The following ARFGAP3 variants were observed in gnomAD, a reference collection of about 807,000 sequenced individuals.
ARFGAP3 encodes ADP-ribosylation factor GTPase-activating protein 3.
Under a neutral mutation model 75.0 loss-of-function variants are expected in ARFGAP3, and 72 were observed. That is an observed-to-expected ratio of 0.96 (90% CI 0.79 to 1.17). The LOEUF (loss-of-function observed/expected upper bound fraction) is 1.17, where lower values mean the gene tolerates loss of function less well. Ranked by LOEUF, ARFGAP3 falls within the 50% of genes most tolerant of loss-of-function variation. The pLI is 0.00. For synonymous variants in ARFGAP3, 221 were observed against 217.9 expected, an observed-to-expected ratio of 1.01 and a Z score of -0.13; for missense variants, 620 against 626.6, an observed-to-expected ratio of 0.99 and a Z score of 0.11.
At position 42,851,027 on chromosome 22, in the gene ARFGAP3, C is replaced by T. The variant is rs564457725; in HGVS notation, c.70-3395G>A. ...CTCTTCTGTGGGGCATCAAACAAAA[C>T]GACAGACTCTGCCAAAAGGTGCTGT... On this transcript the variant is annotated intron_variant, in intron 1 of 15. Transcript: ENST00000263245. Among the ~76,000 whole-genome samples the T allele has an allele frequency of 2.5e-4, 38 of 152,328 alleles. No individual in the cohort carries two copies. In the East Asian group the frequency reaches 6.6e-3, roughly 26 times the overall value.
intron 2 of ARFGAP3, 97 bp from the exon 3 acceptor site, chr22:42,841,113 C>T: frequency 1.3e-6 from 2 of 1,495,178 alleles, no homozygotes; most frequent in South Asian, 2.6e-5. Flanking sequence ...GCTTTAGGAT[C>T]CTAAAGAATT....
rs1160630123 is a variant in ARFGAP3, at chr22:42,825,666, CAG to C, written c.625+1272_625+1273del. Among the ~76,000 whole-genome samples, 6 of 139,264 alleles carry C rather than the reference CAG, an allele frequency of 4.3e-5. No individual in the cohort carries two copies. The East Asian group carries it at 8.3e-4, about 19-fold the overall frequency. The allele number at this position is 139,264 out of a possible 152,430, so 91.4% of individuals were successfully genotyped here. Reference sequence around the variant, plus strand: ...TGCCAGTGTACTCCAGCCTGGGTGACAGAGTGAGACTCTGTCTCCAAAAAAAA... The same window carrying C: ...TGCCAGTGTACTCCAGCCTGGGTGACAGTGAGACTCTGTCTCCAAAAAAAA... On this transcript the variant is annotated intron_variant, in intron 7 of 15. Transcript: ENST00000263245.
At chr22:42,850,813 G>A (rs1927247269) in intron 1 of ARFGAP3, among the ~76,000 whole-genome samples, 1 of 152,174 alleles carries the variant, frequency 6.6e-6, no homozygotes, top group African/African-American at 2.4e-5. Context: ...GAGGCCAGGA[G>A]ATTTACTTTG....
At chr22:42,827,920 C>G (rs1183241998) in intron 6 of ARFGAP3, among the ~76,000 whole-genome samples, 1 of 151,994 alleles carries the variant, frequency 6.6e-6, no homozygotes, top group African/African-American at 2.4e-5. Context: ...GTTGGTATTA[C>G]AGGCGTGAGC....
At chr22:42,844,965 G>C (rs148368213) in intron 2 of ARFGAP3, among the ~76,000 whole-genome samples, 2 of 151,970 alleles carry the variant, frequency 1.3e-5, no homozygotes, top group Non-Finnish European at 2.9e-5. Flanking sequence ...CTGCTGTACT[G>C]CCCCTCAGGC....
chr22:42,839,612 A>AAC (rs1569165344), intron 3 of ARFGAP3, among the ~76,000 whole-genome samples: 1 of 151,818 alleles, frequency 6.6e-6, no homozygotes, highest in Non-Finnish European at 1.5e-5. Context: ...AAAAAAAAAA[A>AAC]AGAATGGGTT....
At chr22:42,814,141 G>C (rs1242356344) in intron 11 of ARFGAP3, among the ~76,000 whole-genome samples, 1 of 151,776 alleles carries the variant, frequency 6.6e-6, no homozygotes, top group Non-Finnish European at 1.5e-5. Flanking sequence ...AGAAATAATG[G>C]AACTCAATAA....
At chr22:42,832,750 C>A (rs780191982) in intron 5 of ARFGAP3, among the ~76,000 whole-genome samples, 1 of 151,860 alleles carries the variant, frequency 6.6e-6, no homozygotes, top group African/African-American at 2.4e-5. Flanking sequence ...CTTTAGGAGG[C>A]CGAAGCAGGT....
At chr22:42,801,059 G>A (rs947348422) in intron 14 of ARFGAP3, among the ~76,000 whole-genome samples, 8 of 151,850 alleles carry the variant, frequency 5.3e-5, no homozygotes, top group African/African-American at 1.7e-4. Flanking sequence ...TCATCTGGAG[G>A]GGACACAGAG....
chr22:42,815,319 C>T (rs1441329221), intron 11 of ARFGAP3, among the ~76,000 whole-genome samples: 5 of 151,934 alleles, frequency 3.3e-5, no homozygotes, highest in Non-Finnish European at 7.4e-5. Flanking sequence ...TAAAGTGAAA[C>T]TTGGTGCATT....
chr22:42,816,428 G>A (rs745534467), intron 11 of ARFGAP3, among the ~76,000 whole-genome samples: 23 of 151,644 alleles, frequency 1.5e-4, no homozygotes, highest in Non-Finnish European at 3.1e-4. Context: ...CTGTTCCTGA[G>A]CTGTGCCCTC....
chr22:42,807,243 C>A (rs1925167588), intron 13 of ARFGAP3, 80 bp from the exon 14 acceptor site: 2 of 1,504,816 alleles, frequency 1.3e-6, no homozygotes, highest in Non-Finnish European at 1.8e-6. Flanking sequence ...GAAGAGCTGT[C>A]ATTTGAAAGT....
At chr22:42,855,227 T>C (rs183318319) in intron 1 of ARFGAP3, among the ~76,000 whole-genome samples, 53 of 152,326 alleles carry the variant, frequency 3.5e-4, no homozygotes, top group Admixed American at 3.0e-3. Context: ...TATAAAGACA[T>C]TGATTTCTAA....
intron 1 of ARFGAP3, among the ~76,000 whole-genome samples, chr22:42,851,870 C>T (rs927664230): frequency 2.0e-5 from 3 of 152,128 alleles, no homozygotes; most frequent in Non-Finnish European, 2.9e-5. Flanking sequence ...TTAATTCAGG[C>T]ACTATTGTTG....
In ARFGAP3 at chr22:42,797,318, C is replaced by A. The variant is rs1924646279; in HGVS notation, c.*270G>T. 2.3e-5 allele frequency: 11 copies of A among 481,422 alleles called. No individual in the cohort carries two copies. The South Asian group carries it at 2.8e-4, about 12-fold the overall frequency. The allele number at this position is 481,422 out of a possible 1,614,324, so 29.8% of individuals were successfully genotyped here. On this transcript the variant is annotated 3_prime_UTR_variant, in exon 16 of 16. Coordinates refer to ENST00000263245, the MANE Select transcript of ARFGAP3 (RefSeq NM_014570.5). ...GTCTCCAGGCCCTCAGTGTTGAAAT[C>A]AAAGGTTCCAAGAAAATAAAGCAAG...
intron 1 of ARFGAP3, among the ~76,000 whole-genome samples, chr22:42,849,128 G>C (rs1927155155): frequency 1.3e-5 from 2 of 152,182 alleles, no homozygotes; most frequent in Non-Finnish European, 2.9e-5. Flanking sequence ...TAAGCTCCCA[G>C]ATGACCTCAG....
chr22:42,803,986 C>T (rs1025585999), intron 14 of ARFGAP3, among the ~76,000 whole-genome samples: 3 of 146,154 alleles, frequency 2.1e-5, no homozygotes, highest in Non-Finnish European at 3.0e-5. Flanking sequence ...TCACTGTAAC[C>T]TCTGCCTCCT....
chr22:42,806,833 G>A (rs1248310137), intron 14 of ARFGAP3, among the ~76,000 whole-genome samples: 2 of 152,198 alleles, frequency 1.3e-5, no homozygotes, highest in African/African-American at 4.8e-5. Context: ...ACTCCTCTAT[G>A]ACAGTGTTCA....
intron 6 of ARFGAP3, among the ~76,000 whole-genome samples, chr22:42,830,162 C>G (rs985037592): frequency 3.3e-5 from 5 of 152,074 alleles, no homozygotes; most frequent in Non-Finnish European, 7.4e-5. Context: ...GTCACCCACG[C>G]TGGAGAGTGC....
Sources: allele counts gnomAD v4.1 joint callset (sites outside exome capture counted in the v4.1 genomes callset), GRCh38; gene constraint gnomAD v4.1.1; transcripts MANE v1.5; gene names NCBI Gene and HGNC (gene_info 2026-07-23, HGNC 2026-07-21).